The following KLHL32 variants were observed in gnomAD, a reference collection of about 807,000 sequenced individuals.
KLHL32 encodes kelch-like protein 32.
Under a neutral mutation model 64.8 loss-of-function variants are expected in KLHL32, and 35 were observed. The ratio of observed to expected loss-of-function variants is 0.54; its 90% CI spans 0.41 to 0.72. KLHL32 has a LOEUF of 0.72. Among genes scored for constraint, KLHL32 ranks in the 30% least tolerant of loss-of-function variants. The pLI is 0.00. For synonymous variants in KLHL32, 259 were observed against 281.0 expected (o/e 0.92, Z 0.78); for missense variants, 589 against 768.5 (o/e 0.77, Z 2.76).
intron 10 of KLHL32, among the ~76,000 whole-genome samples, chr6:97,136,192 A>G (rs1393626989): frequency 2.6e-5 from 4 of 152,192 alleles, no homozygotes; most frequent in South Asian, 2.1e-4. Flanking sequence ...TGGAAGTACT[A>G]ATTTTTTTTT....
At chr6:97,069,118 G>A (rs113158520) in intron 5 of KLHL32, among the ~76,000 whole-genome samples, 32 of 152,240 alleles carry the variant, frequency 2.1e-4, no homozygotes, top group African/African-American at 6.5e-4. Context: ...TGTTTACAGC[G>A]TGCACATGTG....
At chr6:97,072,148 C>T (rs886090393) in intron 5 of KLHL32, among the ~76,000 whole-genome samples, 3 of 152,096 alleles carry the variant, frequency 2.0e-5, no homozygotes, top group African/African-American at 7.2e-5. Context: ...CTAGAATCTC[C>T]CATCTCCTTG....
intron 6 of KLHL32, among the ~76,000 whole-genome samples, chr6:97,103,575 A>G (rs541549878): frequency 3.2e-4 from 49 of 152,304 alleles, no homozygotes; most frequent in African/African-American, 1.2e-3. Context: ...TGAAATTTGT[A>G]TTCTTTGGCA....
chr6:97,046,697 T>C (rs1785978752), intron 4 of KLHL32, among the ~76,000 whole-genome samples: 1 of 152,242 alleles, frequency 6.6e-6, no homozygotes, highest in Non-Finnish European at 1.5e-5. Context: ...AAGAATGAAG[T>C]TGCAGTTTAC....
intron 1 of KLHL32, among the ~76,000 whole-genome samples, chr6:96,932,310 T>C (rs1353339062): frequency 6.6e-6 from 1 of 151,456 alleles, no homozygotes; most frequent in Non-Finnish European, 1.5e-5. Flanking sequence ...AATTTTGCCA[T>C]AGCTTATCTT....
chr6:97,077,816 C>T (rs983314057), intron 5 of KLHL32, among the ~76,000 whole-genome samples: 1 of 152,096 alleles, frequency 6.6e-6, no homozygotes, highest in African/African-American at 2.4e-5. Context: ...CCAACAAATA[C>T]TTCTCTGTTG....
Position 97,139,875 on chromosome 6 carries a change from A to C in KLHL32, c.*593A>C, listed in dbSNP as rs1441123463. 3 of 152,156 alleles carry C rather than the reference A, an allele frequency of 2.0e-5. No homozygotes were observed. In the East Asian group the frequency reaches 5.8e-4, roughly 29 times the overall value. 9.4% of individuals were successfully genotyped at this position (152,156 alleles called of 1,614,324 possible). ...CAGATTTTTCACCTTGGTTACTCTG[A>C]CCTTGGGTCAGAACCTAACTTTACA... On this transcript the variant is annotated 3_prime_UTR_variant, in exon 11 of 11. Transcript: ENST00000369261.
intron 4 of KLHL32, 108 bp from the exon 5 acceptor site, chr6:97,064,520 G>C: frequency 1.4e-6 from 1 of 718,072 alleles, no homozygotes; most frequent in Non-Finnish European, 2.4e-6. Flanking sequence ...AATTGAAATA[G>C]AGTACGTAAA....
rs143607886 is a variant in KLHL32, at chr6:97,096,050, A to G, written c.627+10709A>G. On this transcript the variant is annotated intron_variant, in intron 6 of 10. Transcript: ENST00000369261. Reference sequence around the variant, plus strand: ...TCAGAGGCAACAAATTTTGCTAAATATTGCACGGAAAATTCAAGACTGTTA... The same window carrying G: ...TCAGAGGCAACAAATTTTGCTAAATGTTGCACGGAAAATTCAAGACTGTTA... 5.6e-3 allele frequency among the ~76,000 whole-genome samples: 852 copies of G among 152,278 alleles called. 5 individuals carry two copies. The highest frequency in any genetic ancestry group is 0.031 in the Middle Eastern group (9 of 294).
the KLHL32 span, among the ~76,000 whole-genome samples, chr6:96,918,454 A>AT: frequency 3.3e-5 from 5 of 152,050 alleles, no homozygotes; most frequent in African/African-American, 9.7e-5. Flanking sequence ...GAGGTTAACA[A>AT]TTTTTTTTCT....
intron 5 of KLHL32, among the ~76,000 whole-genome samples, chr6:97,069,318 C>A (rs1375245634): frequency 6.6e-6 from 1 of 151,852 alleles, no homozygotes; most frequent in Non-Finnish European, 1.5e-5. Flanking sequence ...TAGTTATTTT[C>A]TCTCTTCAGT....
intron 2 of KLHL32, among the ~76,000 whole-genome samples, chr6:96,971,149 C>T (rs143375842): frequency 6.6e-6 from 1 of 152,144 alleles, no homozygotes; most frequent in Non-Finnish European, 1.5e-5. Context: ...GGTAGTCTTA[C>T]TTAAAAACTA....
chr6:97,125,894 G>A (rs1189259060), intron 7 of KLHL32, among the ~76,000 whole-genome samples: 1 of 152,118 alleles, frequency 6.6e-6, no homozygotes, highest in Non-Finnish European at 1.5e-5. Context: ...GATATTATTG[G>A]GTTATAAAAC....
At chr6:97,001,512 G>C (rs1191167564) in intron 3 of KLHL32, among the ~76,000 whole-genome samples, 2 of 152,062 alleles carry the variant, frequency 1.3e-5, no homozygotes, top group Non-Finnish European at 2.9e-5. Flanking sequence ...TTATCACTCA[G>C]ACTGAAGTGC....
Position 97,056,167 on chromosome 6 carries a change from A to G in KLHL32, c.313-8461A>G, listed in dbSNP as rs375414969. On this transcript the variant is annotated intron_variant, in intron 4 of 10. Coordinates refer to ENST00000369261, the MANE Select transcript of KLHL32 (RefSeq NM_052904.4). ...GTCACCCAGGCTGGAGTGCAGTGGC[A>G]CGATCTCGGCTCACTGGAAGCTCCG... is the stretch of plus-strand genomic sequence containing the variant. Among the ~76,000 whole-genome samples the G allele has an allele frequency of 5.6e-3, 750 of 132,814 alleles. 5 individuals carry two copies. Among genetic ancestry groups the G allele is most frequent in the African/African-American group, 0.018 (628 of 34,368 alleles). 87.1% of individuals were successfully genotyped at this position (132,814 alleles called of 152,430 possible).
At chr6:97,040,149 G>A (rs1784906682) in intron 3 of KLHL32, among the ~76,000 whole-genome samples, 1 of 151,960 alleles carries the variant, frequency 6.6e-6, no homozygotes. Context: ...GCATAGTGAG[G>A]TTTTTTTGGT....
intron 7 of KLHL32, among the ~76,000 whole-genome samples, chr6:97,120,111 G>A (rs1220510749): frequency 6.6e-6 from 1 of 152,168 alleles, no homozygotes; most frequent in Non-Finnish European, 1.5e-5. Flanking sequence ...ACCAGGAACA[G>A]TGAAGAGTCC....
chr6:96,908,738 C>A, the KLHL32 span, among the ~76,000 whole-genome samples: 1 of 151,886 alleles, frequency 6.6e-6, no homozygotes, highest in Admixed American at 6.6e-5. Context: ...ACTGTCCGCA[C>A]CCCCCTCCCT....
chr6:97,056,061 G>A (rs1399665637), intron 4 of KLHL32, among the ~76,000 whole-genome samples: 3 of 148,564 alleles, frequency 2.0e-5, no homozygotes, highest in Non-Finnish European at 4.4e-5. Flanking sequence ...TCACAGCTTC[G>A]TGCAGCATAG....
Sources: gnomAD v4.1 joint callset for allele counts (sites outside exome capture counted in the v4.1 genomes callset) on GRCh38, gnomAD v4.1.1 for gene constraint, MANE v1.5 for transcripts, NCBI Gene and HGNC (gene_info 2026-07-23, HGNC 2026-07-21) for gene names.